The following DCAF10 variants were observed in gnomAD, a reference collection of about 807,000 sequenced individuals.
DCAF10 encodes the protein DDB1- and CUL4-associated factor 10.
DCAF10 carries 19 observed loss-of-function variants against 51.9 expected under a neutral mutation model. That is an observed-to-expected ratio of 0.37 (90% CI 0.26 to 0.54). The LOEUF is 0.54. DCAF10 is among the 20% of genes least tolerant of loss of function. The pLI, the probability that DCAF10 is intolerant of heterozygous loss-of-function variation, is 0.87. For synonymous variants in DCAF10, 291 were observed against 297.1 expected, an observed-to-expected ratio of 0.98 and a Z score of 0.21; for missense variants, 510 against 730.6, an observed-to-expected ratio of 0.70 and a Z score of 3.48.
chr9:37,819,001 G>GA (rs1159666411), intron 1 of DCAF10, among the ~76,000 whole-genome samples: 1 of 152,066 alleles, frequency 6.6e-6, no homozygotes, highest in East Asian at 1.9e-4. Flanking sequence ...TAAATTCCCA[G>GA]AAAAAATTGC....
Position 37,861,481 on chromosome 9 carries a change from G to A in DCAF10, c.1653G>A (p.Arg551=), listed in dbSNP as rs149726879. 1.4e-4 allele frequency: 225 copies of A among 1,609,718 alleles called. No individual in the cohort carries two copies. In the African/African-American group the frequency reaches 2.6e-3, roughly 19 times the overall value. ...CQIASGCLSG[R]VSLYQPKF is the part of the protein sequence containing the mutation. ...TTGCCTCAGGGTGCCTTAGTGGACG[G>A]GTTTCTTTGTATCAGCCAAAGTTTT... Residue 551 remains arginine (R), a synonymous_variant, in exon 7 of 7, where the codon CGG becomes CGA. Transcript: ENST00000377724. The surrounding 1 kb of genome is among the most constrained non-coding windows in gnomAD (Gnocchi z 4.9).
chr9:37,820,025 G>A (rs1464374649), intron 2 of DCAF10, among the ~76,000 whole-genome samples: 2 of 152,088 alleles, frequency 1.3e-5, no homozygotes, highest in Non-Finnish European at 2.9e-5. Flanking sequence ...AGATTAAAAG[G>A]AAATATTTTA....
chr9:37,808,858 C>T (rs1039819026), intron 1 of DCAF10, among the ~76,000 whole-genome samples: 1 of 133,268 alleles, frequency 7.5e-6, no homozygotes, highest in Non-Finnish European at 1.6e-5. Context: ...GTGGGTCACA[C>T]TTGTAATCCC....
rs554295196 is a variant in DCAF10, at chr9:37,822,065, C to T, written c.653+2664C>T. Among the ~76,000 whole-genome samples the T allele has an allele frequency of 9.2e-5, 14 of 152,110 alleles. No homozygotes were observed. The South Asian group carries it at 1.2e-3, about 14-fold the overall frequency. ...GGAAATGCAAATCAAAACCATAATG[C>T]GATACCGCCTTACTCCTGTAAGAAT... On this transcript the variant is annotated intron_variant, in intron 2 of 6. Coordinates refer to ENST00000377724, the MANE Select transcript of DCAF10 (RefSeq NM_024345.5).
In DCAF10 at chr9:37,842,101, C is replaced by T; in HGVS notation, c.666C>T (p.Asn222=). The T allele has an allele frequency of 6.2e-7, 1 of 1,605,330 alleles. No individual in the cohort carries two copies. Among genetic ancestry groups the T allele is most frequent in the Non-Finnish European group, 8.5e-7 (1 of 1,177,774 alleles). The change falls in exon 3 of 7, where the codon AAC becomes AAT. Residue 222 remains asparagine, a synonymous_variant. Coordinates refer to ENST00000377724, the MANE Select transcript of DCAF10 (RefSeq NM_024345.5). The part of the protein sequence containing the change: ...DCVNNIRFLD[N]RLFATCSDDT... ...TCTGCTTTTATAGATTTCTTGATAA[C>T]CGGCTGTTTGCTACCTGCTCTGATG...
At chr9:37,845,806 G>A (rs923990593) in intron 3 of DCAF10, among the ~76,000 whole-genome samples, 4 of 152,058 alleles carry the variant, frequency 2.6e-5, no homozygotes, top group Non-Finnish European at 4.4e-5. Context: ...GTGTTCATGC[G>A]GTGCTTGTTA....
intron 3 of DCAF10, among the ~76,000 whole-genome samples, chr9:37,854,337 G>C (rs536597634): frequency 8.7e-4 from 133 of 152,226 alleles, no homozygotes; most frequent in Non-Finnish European, 1.9e-3. Context: ...TGAACTCCTA[G>C]GCTCAAGCAA....
chr9:37,822,127 G>A (rs1375143582), intron 2 of DCAF10, among the ~76,000 whole-genome samples: 1 of 152,106 alleles, frequency 6.6e-6, no homozygotes, highest in Non-Finnish European at 1.5e-5. Flanking sequence ...GTAGATGCTG[G>A]TGTGGATGTG....
chr9:37,860,331 T>A (rs1230036579), intron 6 of DCAF10, 138 bp downstream of exon 6: 5 of 1,108,930 alleles, frequency 4.5e-6, no homozygotes, highest in Admixed American at 5.3e-5. Flanking sequence ...TTCTCGACTC[T>A]CCTGTTTCTG....
intron 1 of DCAF10, among the ~76,000 whole-genome samples, chr9:37,809,192 T>A (rs1829254057): frequency 1.3e-5 from 2 of 151,652 alleles, no homozygotes; most frequent in Admixed American, 1.3e-4. Flanking sequence ...AAATTAGAAA[T>A]GTTCAGAACT....
rs1245863236 is a variant in DCAF10 at position 37,862,010 on chromosome 9, T to C, written c.*502T>C. ...TAAATTTCATCCTCACTTATGAGTA[T>C]ACTTGGCCTTTTAAAGTTACTGTTA... On this transcript the variant is annotated 3_prime_UTR_variant, in exon 7 of 7. Transcript: ENST00000377724. 2 of 155,600 alleles carry C rather than the reference T, an allele frequency of 1.3e-5. No homozygotes were observed. The highest frequency in any genetic ancestry group is 1.9e-4 in the South Asian group (1 of 5,178). 9.6% of individuals were successfully genotyped at this position (155,600 alleles called of 1,614,324 possible).
intron 5 of DCAF10, 51 bp downstream of exon 5, chr9:37,857,402 CTGAT>C: frequency 7.5e-7 from 1 of 1,339,812 alleles, no homozygotes; most frequent in Non-Finnish European, 1.0e-6. Context: ...TTATGCCAAT[CTGAT>C]TAATTATTGA....
intron 1 of DCAF10, 115 bp from the exon 2 acceptor site, chr9:37,819,173 A>T: frequency 1.4e-6 from 1 of 717,016 alleles, no homozygotes; most frequent in Non-Finnish European, 2.3e-6. Flanking sequence ...TGCTACTAAC[A>T]TGGGCAAAAA....
intron 4 of DCAF10, among the ~76,000 whole-genome samples, chr9:37,855,537 G>A (rs73646112): frequency 0.02 from 2,993 of 152,116 alleles, 99 homozygotes; most frequent in African/African-American, 0.069. Flanking sequence ...AAAAATGTAC[G>A]TATTGTATTT....
At chr9:37,803,969 A>G (rs1309091806) in intron 1 of DCAF10, among the ~76,000 whole-genome samples, 1 of 152,014 alleles carries the variant, frequency 6.6e-6, no homozygotes, top group Admixed American at 6.6e-5. Context: ...TGATAGAAAC[A>G]TTGTCAAAAT....
At chr9:37,802,402 GGAA>G (rs1353494231) in intron 1 of DCAF10, among the ~76,000 whole-genome samples, 7 of 152,134 alleles carry the variant, frequency 4.6e-5, no homozygotes, top group Non-Finnish European at 1.5e-5. Flanking sequence ...GATTCCCTGA[GGAA>G]GTGGCACCTA....
At chr9:37,833,487 A>C (rs1162606213) in intron 2 of DCAF10, among the ~76,000 whole-genome samples, 2 of 152,162 alleles carry the variant, frequency 1.3e-5, no homozygotes, top group African/African-American at 4.8e-5. Flanking sequence ...TTTTTTTAAG[A>C]TATAGACTCA....
At chr9:37,809,048 C>A in intron 1 of DCAF10, among the ~76,000 whole-genome samples, 1 of 148,456 alleles carries the variant, frequency 6.7e-6, no homozygotes, top group African/African-American at 2.5e-5. Context: ...TTTGAGGTTG[C>A]CACTGCATTC....
intron 2 of DCAF10, among the ~76,000 whole-genome samples, chr9:37,825,399 A>G (rs1220785965): frequency 6.6e-6 from 1 of 152,266 alleles, no homozygotes; most frequent in Non-Finnish European, 1.5e-5. Context: ...GCCATAAAAA[A>G]GAATGAGATC....
Sources: allele counts gnomAD v4.1 joint callset (sites outside exome capture counted in the v4.1 genomes callset), GRCh38; gene constraint gnomAD v4.1.1; non-coding constraint Gnocchi (gnomAD v3.1); transcripts MANE v1.5; gene names NCBI Gene and HGNC (gene_info 2026-07-23, HGNC 2026-07-21).